CLTCL1: variants seen among roughly 807,000 people sequenced by gnomAD.
CLTCL1 encodes the protein clathrin heavy chain like 1.
CLTCL1 carries 159 observed loss-of-function variants against 190.0 expected under a neutral mutation model. The ratio of observed to expected loss-of-function variants is 0.84; its 90% CI spans 0.74 to 0.95. The LOEUF is 0.95. Among genes scored for constraint, CLTCL1 ranks in the 40% least tolerant of loss-of-function variants. The pLI is 0.00. For synonymous variants in CLTCL1, 752 were observed against 769.6 expected (o/e 0.98, Z 0.38); for missense variants, 1,878 against 2,033.4 (o/e 0.92, Z 1.47).
chr22:19,251,905 T>C (rs999103555), intron 3 of CLTCL1, among the ~76,000 whole-genome samples: 1 of 152,190 alleles, frequency 6.6e-6, no homozygotes, highest in Non-Finnish European at 1.5e-5. Flanking sequence ...TGAAGTAAGA[T>C]GTTAGTTGTA....
chr22:19,211,778 A>AC (rs201823435), intron 19 of CLTCL1, among the ~76,000 whole-genome samples: 4 of 148,814 alleles, frequency 2.7e-5, no homozygotes, highest in African/African-American at 7.5e-5. Flanking sequence ...AAAAAAAAAA[A>AC]AAAAACAAAA....
At chr22:19,207,217 A>G (rs2146366819) in intron 22 of CLTCL1, among the ~76,000 whole-genome samples, 1 of 152,086 alleles carries the variant, frequency 6.6e-6, no homozygotes, top group South Asian at 2.1e-4. Context: ...GGGTTTTGCC[A>G]TGTTGACCAG....
chr22:19,186,297 G>A (rs1555928291), intron 29 of CLTCL1, among the ~76,000 whole-genome samples: 1 of 152,112 alleles, frequency 6.6e-6, no homozygotes, highest in East Asian at 1.9e-4. Flanking sequence ...GCATCACACA[G>A]CACCCACAAG....
intron 11 of CLTCL1, among the ~76,000 whole-genome samples, chr22:19,227,695 C>CA (rs1160636845): frequency 6.6e-6 from 1 of 152,040 alleles, no homozygotes; most frequent in Non-Finnish European, 1.5e-5. Context: ...CCATGTGATC[C>CA]ACCCGCCTTG....
chr22:19,254,321 CT>C, intron 2 of CLTCL1, 94 bp from the exon 3 acceptor site: 1 of 1,102,176 alleles, frequency 9.1e-7, no homozygotes, highest in Non-Finnish European at 1.3e-6. Context: ...TTTAATATTA[CT>C]TTAGGTTGTA....
chr22:19,289,074 C>G (rs1016750106), intron 1 of CLTCL1, among the ~76,000 whole-genome samples: 5 of 152,202 alleles, frequency 3.3e-5, no homozygotes, highest in African/African-American at 1.2e-4. Flanking sequence ...ACCTCTGCCT[C>G]CCGGGTTCAA....
chr22:19,220,692 C>T (rs5748052), intron 17 of CLTCL1, among the ~76,000 whole-genome samples: 8 of 152,306 alleles, frequency 5.3e-5, no homozygotes, highest in Admixed American at 3.3e-4. Flanking sequence ...GCGGATGCAG[C>T]GCAGTCCGCC....
intron 1 of CLTCL1, among the ~76,000 whole-genome samples, chr22:19,285,877 C>T (rs562451812): frequency 1.1e-4 from 17 of 152,234 alleles, no homozygotes; most frequent in African/African-American, 3.9e-4. Flanking sequence ...TGTCTGTGAT[C>T]CTATGGGAGG....
At chr22:19,208,648 CACTT>C (rs2085123898) in intron 21 of CLTCL1, among the ~76,000 whole-genome samples, 1 of 151,372 alleles carries the variant, frequency 6.6e-6, no homozygotes, top group African/African-American at 2.4e-5. Context: ...GCCTGTCACT[CACTT>C]TAAAATTACT....
At chr22:19,237,617 T>C (rs1335984638) in intron 5 of CLTCL1, among the ~76,000 whole-genome samples, 5 of 152,220 alleles carry the variant, frequency 3.3e-5, no homozygotes, top group Non-Finnish European at 7.3e-5. Context: ...TTATAGTGTT[T>C]CTTGTAAATG....
chr22:19,246,082 T>C (rs1393748692), intron 3 of CLTCL1, among the ~76,000 whole-genome samples: 1 of 152,184 alleles, frequency 6.6e-6, no homozygotes, highest in African/African-American at 2.4e-5. Context: ...TTTTTTGAGA[T>C]GGAGTCTCCC....
At chr22:19,212,358 G>C (rs1167354180) in intron 19 of CLTCL1, among the ~76,000 whole-genome samples, 1 of 148,668 alleles carries the variant, frequency 6.7e-6, no homozygotes, top group African/African-American at 2.5e-5. Flanking sequence ...CTCAGGGTTT[G>C]AGACTAGCCT....
chr22:19,212,682 A>G (rs1162141911), intron 19 of CLTCL1, among the ~76,000 whole-genome samples: 1 of 152,170 alleles, frequency 6.6e-6, no homozygotes, highest in Admixed American at 6.5e-5. Context: ...GAAAGAAAGA[A>G]CAAAGGTGGA....
rs1601458432 is a variant in CLTCL1 at position 19,192,214 on chromosome 22, T to C, written c.4192-779A>G. On this transcript the variant is annotated intron_variant, in intron 26 of 32. Coordinates refer to ENST00000427926, the MANE Select transcript of CLTCL1 (RefSeq NM_007098.4). ...CTGAGTAGCTGGGACTACAGGCAGC[T>C]GCCACCATGCCCGGCTAATTTTTTG... 2.0e-5 allele frequency among the ~76,000 whole-genome samples: 3 copies of C among 152,228 alleles called. No homozygotes were observed. The East Asian group carries it at 5.8e-4, about 29-fold the overall frequency.
intron 19 of CLTCL1, among the ~76,000 whole-genome samples, chr22:19,211,634 G>T (rs782650517): frequency 9.2e-5 from 14 of 151,982 alleles, no homozygotes; most frequent in Non-Finnish European, 1.8e-4. Flanking sequence ...GGGCGTGGTG[G>T]CAGGCGCCTG....
intron 24 of CLTCL1, among the ~76,000 whole-genome samples, chr22:19,197,086 G>A (rs1219846514): frequency 6.6e-6 from 1 of 152,034 alleles, no homozygotes; most frequent in African/African-American, 2.4e-5. Context: ...AATTATGATG[G>A]CCAGCCCCTT....
intron 2 of CLTCL1, among the ~76,000 whole-genome samples, chr22:19,271,503 G>C (rs560637352): frequency 6.6e-6 from 1 of 152,112 alleles, no homozygotes; most frequent in Non-Finnish European, 1.5e-5. Flanking sequence ...CTACTGCTCC[G>C]CTACGGTAAG....
At position 19,222,899 on chromosome 22, in the gene CLTCL1, C is replaced by G. The variant is rs1180730195; in HGVS notation, c.2293-90G>C. ...CATTGCACACATGGGACGGCTCTGT[C>G]TCTGCAGCAGAGTGACACACAGGAG... On this transcript the variant is annotated intron_variant, in intron 14 of 32. Coordinates refer to ENST00000427926, the MANE Select transcript of CLTCL1 (RefSeq NM_007098.4). 7.4e-6 allele frequency: 11 copies of G among 1,479,558 alleles called. 1 individual carries two copies. The highest frequency in any genetic ancestry group is 6.9e-5 in the African/African-American group (5 of 72,036). 91.7% of individuals were successfully genotyped at this position (1,479,558 alleles called of 1,614,324 possible).
chr22:19,251,996 C>A (rs537884788), intron 3 of CLTCL1, among the ~76,000 whole-genome samples: 12 of 152,324 alleles, frequency 7.9e-5, no homozygotes, highest in Non-Finnish European at 1.5e-4. Flanking sequence ...AATGCCACTG[C>A]CTTCATCTAG....
Sources: allele counts gnomAD v4.1 joint callset (sites outside exome capture counted in the v4.1 genomes callset), GRCh38; gene constraint gnomAD v4.1.1; transcripts MANE v1.5; gene names NCBI Gene and HGNC (gene_info 2026-07-23, HGNC 2026-07-21).